SNX18: variants seen among roughly 807,000 people sequenced by gnomAD.
SNX18 encodes sorting nexin 18.
A neutral mutation model predicts 48.7 loss-of-function variants in SNX18; 35 were observed. The observed-to-expected ratio is 0.72, with a 90% CI of 0.55 to 0.95. The LOEUF (loss-of-function observed/expected upper bound fraction) is 0.95. Ranked by LOEUF, SNX18 falls within the 40% of genes least tolerant of loss-of-function variation. The pLI, the probability that SNX18 is intolerant of heterozygous loss-of-function variation, is 0.00. For missense variants in SNX18, 824 were observed against 871.0 expected (o/e 0.95, Z 0.68); for synonymous variants, 492 against 384.7 (o/e 1.28, Z -3.26).
In SNX18 at chr5:54,545,573, A is replaced by G. The variant is rs1762564413; in HGVS notation, c.*2141A>G. ...AAGTATAAGTTATACTTATGTAAGT[A>G]TAAATTCATGCTGCCTACTTCTAAG... On this transcript the variant is annotated 3_prime_UTR_variant, in exon 2 of 2. Coordinates refer to ENST00000381410, the MANE Select transcript of SNX18 (RefSeq NM_001102575.2). The G allele has an allele frequency of 6.6e-6, 1 of 152,246 alleles. No homozygotes were observed. 9.4% of individuals were successfully genotyped at this position (152,246 alleles called of 1,614,324 possible). A position where few individuals can be genotyped will look rare whatever the true frequency, so the allele number is the denominator to read the frequency against.
chr5:54,553,166 G>C, the SNX18 span, among the ~76,000 whole-genome samples: 1 of 152,168 alleles, frequency 6.6e-6, no homozygotes, highest in African/African-American at 2.4e-5. Flanking sequence ...TGAGGACTTT[G>C]GCTTTTTCTC....
chr5:54,639,690 T>C, the SNX18 span, among the ~76,000 whole-genome samples: 2 of 152,212 alleles, frequency 1.3e-5, no homozygotes, highest in African/African-American at 4.8e-5. Flanking sequence ...TCCTATGGCC[T>C]GAGTCTATGC....
chr5:54,598,853 A>G, the SNX18 span, among the ~76,000 whole-genome samples: 1 of 152,186 alleles, frequency 6.6e-6, no homozygotes, highest in Non-Finnish European at 1.5e-5. Context: ...CACCACTCCT[A>G]TTCAACTTAG....
At chr5:54,542,510 C>T (rs1011723658) in intron 1 of SNX18, among the ~76,000 whole-genome samples, 23 of 152,248 alleles carry the variant, frequency 1.5e-4, no homozygotes, top group African/African-American at 5.1e-4. Flanking sequence ...TTCACCCCTT[C>T]ACCAGGCACT....
intron 1 of SNX18, among the ~76,000 whole-genome samples, chr5:54,531,866 G>A (rs2565000): frequency 0.92 from 140,700 of 152,334 alleles, 65,039 homozygotes; most frequent in East Asian, 1. Flanking sequence ...CGGTACCACC[G>A]TGGCATACAT....
At chr5:54,619,092 G>A in the SNX18 span, among the ~76,000 whole-genome samples, 1 of 152,188 alleles carries the variant, frequency 6.6e-6, no homozygotes, top group Non-Finnish European at 1.5e-5. Context: ...CACTGACACT[G>A]TGGTGTCAAA....
chr5:54,529,741 G>A (rs1762219958), intron 1 of SNX18, among the ~76,000 whole-genome samples: 1 of 152,166 alleles, frequency 6.6e-6, no homozygotes, highest in Non-Finnish European at 1.5e-5. Context: ...ATGGGTTTGA[G>A]TTCCTGCCAG....
At chr5:54,640,428 T>G in the SNX18 span, among the ~76,000 whole-genome samples, 2 of 152,124 alleles carry the variant, frequency 1.3e-5, no homozygotes, top group Admixed American at 1.3e-4. Flanking sequence ...TTTGCCATGT[T>G]GCCCAGGCTA....
chr5:54,548,995 G>A (rs1762614488), downstream of SNX18, among the ~76,000 whole-genome samples: 2 of 152,160 alleles, frequency 1.3e-5, no homozygotes, highest in African/African-American at 4.8e-5. Context: ...CAATGTCAGG[G>A]CTATGTCAAT....
chr5:54,588,303 A>ATTGTTTTTTT, the SNX18 span, among the ~76,000 whole-genome samples: 1 of 100,392 alleles, frequency 1.0e-5, no homozygotes, highest in East Asian at 3.1e-4. Context: ...TGTTATTTCT[A>ATTGTTTTTTT]TTCTTTTTTT....
At chr5:54,589,604 C>T in the SNX18 span, among the ~76,000 whole-genome samples, 15 of 152,284 alleles carry the variant, frequency 9.9e-5, no homozygotes, top group East Asian at 9.6e-4. Context: ...ATTTAACCTT[C>T]GGCAAGCACC....
chr5:54,585,641 G>A, the SNX18 span, among the ~76,000 whole-genome samples: 2 of 152,032 alleles, frequency 1.3e-5, no homozygotes, highest in African/African-American at 4.8e-5. Flanking sequence ...CAGTAAGGTG[G>A]TGACTGTAGC....
At chr5:54,644,245 T>C in the SNX18 span, 2 of 152,228 alleles carry the variant, frequency 1.3e-5, no homozygotes, top group African/African-American at 4.8e-5. Context: ...GAAGTTCTGG[T>C]CCCCTCATCT....
chr5:54,586,514 G>A, the SNX18 span, among the ~76,000 whole-genome samples: 6 of 152,196 alleles, frequency 3.9e-5, no homozygotes, highest in Admixed American at 1.3e-4. Context: ...ACTGGCATCT[G>A]GCAAGGGTCA....
In SNX18 at chr5:54,518,299, C is replaced by T; in HGVS notation, c.347C>T (p.Pro116Leu). 3 of 1,521,718 alleles carry T rather than the reference C, an allele frequency of 2.0e-6. No individual in the cohort carries two copies. Among genetic ancestry groups the T allele is most frequent in the South Asian group, 2.5e-5 (2 of 81,376 alleles). The allele number at this position is 1,521,718 out of a possible 1,614,324, so 94.3% of individuals were successfully genotyped here. ...ALLQPQQAPP[P>L]STFQPPGAGF... ...CTGCAGCCACAGCAGGCGCCGCCTC[C>T]GAGCACCTTCCAGCCGCCCGGCGCG... Residue 116 changes from proline to leucine, a missense_variant, in exon 1 of 2, where the codon CCG (proline) becomes CTG (leucine). Pro to Leu is a moderately conservative substitution (Grantham distance 98, BLOSUM62 -3). Coordinates refer to ENST00000381410, the MANE Select transcript of SNX18 (RefSeq NM_001102575.2).
the SNX18 span, among the ~76,000 whole-genome samples, chr5:54,552,539 C>G: frequency 9.6e-4 from 146 of 152,334 alleles, no homozygotes; most frequent in African/African-American, 3.3e-3. Context: ...TCATCGTCAT[C>G]TAAAGGTTGC....
the SNX18 span, among the ~76,000 whole-genome samples, chr5:54,576,952 C>T: frequency 6.6e-6 from 1 of 152,136 alleles, no homozygotes; most frequent in Non-Finnish European, 1.5e-5. Context: ...CGGGCGCCCA[C>T]CACCACGCCC....
chr5:54,518,021 G>T lies in SNX18; in HGVS notation c.69G>T (p.Glu23Asp). 6.5e-7 allele frequency: 1 copy of T among 1,548,258 alleles called. No individual in the cohort carries two copies. Among genetic ancestry groups the T allele is most frequent in the Non-Finnish European group, 8.7e-7 (1 of 1,150,326 alleles). The change falls in exon 1 of 2, where the codon GAG becomes GAT. Residue 23 changes from glutamate (E) to aspartate (D), a missense_variant. Coordinates refer to ENST00000381410, the MANE Select transcript of SNX18 (RefSeq NM_001102575.2). ...ACCCAGGAGAGATCTCGCTGCGAGAGCACGAGGTGCTGAGCCTGTGCAGCG... is the reference window on the plus strand; with the variant it reads ...ACCCAGGAGAGATCTCGCTGCGAGATCACGAGGTGCTGAGCCTGTGCAGCG... ...SENPGEISLR[E>D]HEVLSLCSEQ...
chr5:54,523,716 ATAC>A (rs1762075557), intron 1 of SNX18, among the ~76,000 whole-genome samples: 3 of 152,330 alleles, frequency 2.0e-5, no homozygotes, highest in African/African-American at 7.2e-5. Flanking sequence ...CAGGAATGGT[ATAC>A]CAGTAGTGGG....
Sources: gnomAD v4.1 joint callset for allele counts (sites outside exome capture counted in the v4.1 genomes callset) on GRCh38, gnomAD v4.1.1 for gene constraint, MANE v1.5 for transcripts, NCBI Gene and HGNC (gene_info 2026-07-23, HGNC 2026-07-21) for gene names.